Variants in HPSE2 observed in about 807,000 individuals in gnomAD.
The protein encoded by HPSE2 is heparanase 2 (inactive).
A neutral mutation model predicts 60.5 loss-of-function variants in HPSE2; 38 were observed. The ratio of observed to expected loss-of-function variants is 0.63; its 90% CI spans 0.48 to 0.82. The LOEUF (loss-of-function observed/expected upper bound fraction) is 0.82, where lower values mean the gene tolerates loss of function less well. Ranked by LOEUF, HPSE2 falls within the 40% of genes least tolerant of loss-of-function variation. The pLI is 0.00. For missense variants in HPSE2, 713 were observed against 740.4 expected (o/e 0.96, Z 0.43); for synonymous variants, 295 against 293.2 (o/e 1.01, Z -0.06).
intron 2 of HPSE2, among the ~76,000 whole-genome samples, chr10:99,217,509 G>A (rs557463009): frequency 3.3e-5 from 5 of 152,154 alleles, no homozygotes; most frequent in South Asian, 4.2e-4. Context: ...ACCACCTGGG[G>A]AGATTTTTTT....
chr10:98,865,886 A>G (rs1488948620), intron 3 of HPSE2, among the ~76,000 whole-genome samples: 1 of 152,108 alleles, frequency 6.6e-6, no homozygotes, highest in Non-Finnish European at 1.5e-5. Context: ...CTTCCTAACA[A>G]ATCATATAAG....
chr10:99,108,626 C>T (rs759331406), intron 3 of HPSE2, among the ~76,000 whole-genome samples: 38 of 152,170 alleles, frequency 2.5e-4, no homozygotes, highest in Non-Finnish European at 5.0e-4. Flanking sequence ...ATATTAGCAA[C>T]TACCAATAGC....
rs528161728 is a variant in HPSE2, at chr10:98,826,567, G to T, written c.611-82511C>A. ...AGGAATGACAGTGTGCCAGTTTCTAGGACCAGGCTTCTTACAAAACTGGCA... is the reference window on the plus strand; with the variant it reads ...AGGAATGACAGTGTGCCAGTTTCTATGACCAGGCTTCTTACAAAACTGGCA... On this transcript the variant is annotated intron_variant, in intron 3 of 11. Coordinates refer to ENST00000370552, the MANE Select transcript of HPSE2 (RefSeq NM_021828.5). 1.1e-4 allele frequency among the ~76,000 whole-genome samples: 16 copies of T among 152,250 alleles called. No homozygotes were observed. The East Asian group carries it at 3.1e-3, about 29-fold the overall frequency.
At chr10:98,997,125 T>TTG (rs1956663013) in intron 3 of HPSE2, among the ~76,000 whole-genome samples, 2 of 148,280 alleles carry the variant, frequency 1.3e-5, no homozygotes, top group South Asian at 4.4e-4. Context: ...TTTTTTTTTT[T>TTG]TTTTTGAGAC....
chr10:98,904,347 G>C (rs944990887), intron 3 of HPSE2, among the ~76,000 whole-genome samples: 1 of 152,132 alleles, frequency 6.6e-6, no homozygotes, highest in Non-Finnish European at 1.5e-5. Flanking sequence ...ATAATGGTTG[G>C]AAGAGACAAA....
intron 9 of HPSE2, among the ~76,000 whole-genome samples, chr10:98,543,845 T>A (rs2133831424): frequency 6.6e-6 from 1 of 152,172 alleles, no homozygotes; most frequent in South Asian, 2.1e-4. Flanking sequence ...CTGAGTGACC[T>A]ACAAAGAGAC....
At chr10:99,162,810 A>G (rs1846896655) in intron 2 of HPSE2, among the ~76,000 whole-genome samples, 1 of 152,092 alleles carries the variant, frequency 6.6e-6, no homozygotes, top group African/African-American at 2.4e-5. Flanking sequence ...TTTCTATTCC[A>G]ATTAATACTA....
intron 9 of HPSE2, among the ~76,000 whole-genome samples, chr10:98,577,475 A>G (rs186331308): frequency 1.3e-5 from 2 of 152,172 alleles, no homozygotes; most frequent in East Asian, 1.9e-4. Flanking sequence ...TTATTATATT[A>G]TGATATTACC....
intron 3 of HPSE2, among the ~76,000 whole-genome samples, chr10:99,027,911 T>C (rs543793600): frequency 1.9e-4 from 29 of 152,306 alleles, no homozygotes; most frequent in African/African-American, 6.7e-4. Flanking sequence ...AAAAACCACA[T>C]GATCATTTCA....
At chr10:98,619,463 C>T (rs1369923950) in intron 8 of HPSE2, among the ~76,000 whole-genome samples, 1 of 152,190 alleles carries the variant, frequency 6.6e-6, no homozygotes, top group Admixed American at 6.5e-5. Context: ...TTTTAAAACA[C>T]AAGTCAGATT....
At chr10:98,758,840 C>T (rs1392977179) in intron 3 of HPSE2, among the ~76,000 whole-genome samples, 2 of 152,098 alleles carry the variant, frequency 1.3e-5, no homozygotes, top group Non-Finnish European at 2.9e-5. Context: ...ACTGGGTATA[C>T]ACCCAAAGGA....
At chr10:98,521,034 T>C (rs556890271) in intron 9 of HPSE2, among the ~76,000 whole-genome samples, 126 of 152,110 alleles carry the variant, frequency 8.3e-4, no homozygotes, top group Non-Finnish European at 1.6e-3. Context: ...AACCATAAAA[T>C]CCCTAGAAGA....
chr10:98,943,838 C>T (rs1278545831), intron 3 of HPSE2, among the ~76,000 whole-genome samples: 2 of 152,148 alleles, frequency 1.3e-5, no homozygotes, highest in African/African-American at 4.8e-5. Context: ...GATTAGACTG[C>T]TGCCTCAGCC....
At chr10:98,499,970 T>C (rs534897054) in intron 9 of HPSE2, among the ~76,000 whole-genome samples, 1 of 152,258 alleles carries the variant, frequency 6.6e-6, no homozygotes, top group African/African-American at 2.4e-5. Context: ...CAGGAAAATA[T>C]CACAATCCTA....
At chr10:98,726,078 A>G (rs1454059420) in intron 4 of HPSE2, among the ~76,000 whole-genome samples, 7 of 152,178 alleles carry the variant, frequency 4.6e-5, no homozygotes, top group Admixed American at 2.0e-4. Flanking sequence ...TTGGTGTGGC[A>G]ATTCCTCAGG....
chr10:98,703,855 GC>G (rs1165474826), intron 5 of HPSE2, among the ~76,000 whole-genome samples: 15 of 152,108 alleles, frequency 9.9e-5, no homozygotes, highest in Non-Finnish European at 1.5e-4. Flanking sequence ...TTGAAAACTG[GC>G]CAAGACAAGG....
At chr10:98,938,539 A>G (rs1395802186) in intron 3 of HPSE2, among the ~76,000 whole-genome samples, 2 of 143,782 alleles carry the variant, frequency 1.4e-5, no homozygotes, top group Non-Finnish European at 3.0e-5. Flanking sequence ...AGTTTAGAGA[A>G]AAAAGAATAA....
At chr10:99,309,381 C>A in the HPSE2 span, among the ~76,000 whole-genome samples, 1 of 152,120 alleles carries the variant, frequency 6.6e-6, no homozygotes, top group Admixed American at 6.5e-5. Context: ...AACATTTGAA[C>A]AGGCACTTCA....
chr10:99,170,841 A>G (rs1391192453), intron 2 of HPSE2, among the ~76,000 whole-genome samples: 1 of 152,244 alleles, frequency 6.6e-6, no homozygotes, highest in African/African-American at 2.4e-5. Flanking sequence ...TCAACCAACC[A>G]CTGATCGAAA....
Sources: allele counts gnomAD v4.1 joint callset (sites outside exome capture counted in the v4.1 genomes callset), GRCh38; gene constraint gnomAD v4.1.1; transcripts MANE v1.5; gene names NCBI Gene and HGNC (gene_info 2026-07-23, HGNC 2026-07-21).